Variants in MAP2 observed in about 807,000 individuals in gnomAD.
The protein encoded by MAP2 is microtubule-associated protein 2.
Under a neutral mutation model 137.6 loss-of-function variants are expected in MAP2, and 14 were observed. That is an observed-to-expected ratio of 0.10 (90% confidence interval 0.07 to 0.16). MAP2 has a LOEUF of 0.16. Ranked by LOEUF, MAP2 falls within the 10% of genes least tolerant of loss-of-function variation. MAP2 has a pLI of 1.00. For missense variants in MAP2, 2,088 were observed against 2,191.5 expected (o/e 0.95, Z 0.94); for synonymous variants, 786 against 782.3 (o/e 1.00, Z -0.08).
At chr2:209,704,394 TTTTAC>T in intron 11 of MAP2, 1 of 1,488,322 alleles carries the variant, frequency 6.7e-7, no homozygotes, top group Non-Finnish European at 9.1e-7. Flanking sequence ...TTTATCTTCC[TTTTAC>T]TTTATAGTTT....
At chr2:209,497,093 A>G (rs1051239967) in intron 1 of MAP2, among the ~76,000 whole-genome samples, 1 of 152,116 alleles carries the variant, frequency 6.6e-6, no homozygotes, top group Non-Finnish European at 1.5e-5. Context: ...TAATCCCTAA[A>G]TTCTGTATGG....
intron 2 of MAP2, among the ~76,000 whole-genome samples, chr2:209,529,740 A>G (rs1361293088): frequency 6.6e-6 from 1 of 152,172 alleles, no homozygotes; most frequent in Non-Finnish European, 1.5e-5. Context: ...GAGCAAATAC[A>G]TATGTCACTA....
At position 209,710,304 on chromosome 2, in the gene MAP2, G is replaced by A; in HGVS notation, c.5073+50G>A. The stretch of plus-strand genomic sequence containing the variant: ...TGCTGCCAGAAATAATTATTACATT[G>A]CCTTCTTCATATTGAAAACTAACAG... On this transcript the variant is annotated intron_variant, in intron 13 of 15. Transcript: ENST00000682079. The A allele has an allele frequency of 2.8e-6, 4 of 1,414,272 alleles. 1 individual carries two copies. Among genetic ancestry groups the A allele is most frequent in the South Asian group, 2.6e-5 (2 of 77,600 alleles). 87.6% of individuals were successfully genotyped at this position (1,414,272 alleles called of 1,614,324 possible).
At chr2:209,569,371 C>T (rs1250941880) in intron 2 of MAP2, among the ~76,000 whole-genome samples, 1 of 151,694 alleles carries the variant, frequency 6.6e-6, no homozygotes, top group Non-Finnish European at 1.5e-5. Context: ...TTATTGTGCA[C>T]CAGTTATATA....
intron 5 of MAP2, 132 bp from the exon 6 acceptor site, chr2:209,678,440 T>G (rs2052974134): frequency 2.5e-6 from 1 of 395,406 alleles, no homozygotes. Context: ...TTCTCTGCAA[T>G]TAAAAAATTA....
chr2:209,613,573 A>G (rs1332713388), intron 3 of MAP2, among the ~76,000 whole-genome samples: 3 of 152,140 alleles, frequency 2.0e-5, no homozygotes, highest in Non-Finnish European at 4.4e-5. Context: ...CCCCAGATGG[A>G]TGGATCAAGG....
intron 2 of MAP2, among the ~76,000 whole-genome samples, chr2:209,512,936 T>G (rs928195137): frequency 2.0e-5 from 3 of 152,160 alleles, no homozygotes; most frequent in Non-Finnish European, 4.4e-5. Context: ...CATGAGACAC[T>G]GCACGCAGTC....
chr2:209,641,902 C>T (rs974883327), intron 4 of MAP2, among the ~76,000 whole-genome samples: 1 of 151,988 alleles, frequency 6.6e-6, no homozygotes, highest in Non-Finnish European at 1.5e-5. Flanking sequence ...TAGGTTGTTA[C>T]CAATCGAGCA....
chr2:209,506,057 G>T (rs971976386), intron 1 of MAP2, among the ~76,000 whole-genome samples: 1 of 152,058 alleles, frequency 6.6e-6, no homozygotes, highest in African/African-American at 2.4e-5. Context: ...ATGACAGTTA[G>T]AGAGTTGTTG....
chr2:209,433,570 T>G (rs1195052713), intron 1 of MAP2, among the ~76,000 whole-genome samples: 1 of 152,142 alleles, frequency 6.6e-6, no homozygotes, highest in East Asian at 1.9e-4. Flanking sequence ...AAAGCAGAAT[T>G]TTTTTAGAAT....
rs1440862058 is a variant in MAP2, at chr2:209,653,446, C to G, written c.262+14C>G. On this transcript the variant is annotated intron_variant, in intron 5 of 15. Transcript: ENST00000682079. ...GAGAAACAGCAGGTAACTAAGGGCT[C>G]TACTGTCACCAAGTGCTTGCTTTGT... The G allele has an allele frequency of 1.3e-6, 2 of 1,574,258 alleles. No homozygotes were observed. Among genetic ancestry groups the G allele is most frequent in the South Asian group, 1.2e-5 (1 of 84,566 alleles).
At position 209,695,348 on chromosome 2, in the gene MAP2, C is replaced by A. The variant is rs1377100915; in HGVS notation, c.3178C>A (p.Leu1060Ile). The A allele has an allele frequency of 6.2e-7, 1 of 1,613,766 alleles. No homozygotes were observed. Among genetic ancestry groups the A allele is most frequent in the Non-Finnish European group, 8.5e-7 (1 of 1,179,944 alleles). ...TGACTTTGGACAGATGGCTTCAGGGCTAAACATAGATGATAGAAGGGCAAC... is the reference window on the plus strand; with the variant it reads ...TGACTTTGGACAGATGGCTTCAGGGATAAACATAGATGATAGAAGGGCAAC... ...ISDFGQMASG[L>I]NIDDRRATEL... The change falls in exon 8 of 16, where the codon CTA becomes ATA. Residue 1060 changes from leucine (L) to isoleucine (I), a missense_variant. Physicochemically the swap from Leu to Ile is conservative, Grantham distance 5 (BLOSUM62 2). Coordinates refer to ENST00000682079, the MANE Select transcript of MAP2 (RefSeq NM_001375505.1).
chr2:209,678,774 C>CTT, intron 6 of MAP2, 89 bp downstream of exon 6: 1 of 629,592 alleles, frequency 1.6e-6, no homozygotes, highest in Non-Finnish European at 2.6e-6. Flanking sequence ...TAGGCCATAT[C>CTT]TTGTACTTCA....
At chr2:209,684,625 G>A (rs528572832) in intron 7 of MAP2, 14 of 152,250 alleles carry the variant, frequency 9.2e-5, no homozygotes, top group African/African-American at 3.4e-4. Context: ...TTCAATGAAA[G>A]CAAACTAGGG....
Position 209,435,633 on chromosome 2 carries a change from A to G in MAP2, c.-222+11357A>G, listed in dbSNP as rs544755638. On this transcript the variant is annotated intron_variant, in intron 1 of 15. Coordinates refer to ENST00000682079, the MANE Select transcript of MAP2 (RefSeq NM_001375505.1). ...CCTGGGAAATGGCATGAGGAATGTG[A>G]TATATTCAGATTAGCAAGAAAAATT... 4.0e-5 allele frequency among the ~76,000 whole-genome samples: 6 copies of G among 151,754 alleles called. No homozygotes were observed. In the East Asian group the frequency reaches 1.2e-3, roughly 29 times the overall value.
chr2:209,631,259 G>C (rs574713766), intron 4 of MAP2, among the ~76,000 whole-genome samples: 131 of 152,114 alleles, frequency 8.6e-4, no homozygotes, highest in African/African-American at 2.4e-3. Context: ...AGAGATGTGC[G>C]GGTATGTGGG....
At chr2:209,603,458 T>C (rs1401397158) in intron 3 of MAP2, among the ~76,000 whole-genome samples, 2 of 152,098 alleles carry the variant, frequency 1.3e-5, no homozygotes, top group African/African-American at 4.8e-5. Context: ...AGATTGTGCA[T>C]GAACAATCTG....
intron 3 of MAP2, among the ~76,000 whole-genome samples, chr2:209,595,034 CCTT>C (rs1436637228): frequency 2.6e-5 from 4 of 152,098 alleles, no homozygotes; most frequent in Non-Finnish European, 4.4e-5. Flanking sequence ...AAGTAAAACT[CCTT>C]CTACAATTCT....
chr2:209,496,044 T>A (rs1559236504), intron 1 of MAP2, among the ~76,000 whole-genome samples: 3 of 152,212 alleles, frequency 2.0e-5, no homozygotes, highest in Non-Finnish European at 4.4e-5. Context: ...ACAGCAAACA[T>A]GTCAGAGTAC....
Sources: gnomAD v4.1 joint callset for allele counts (sites outside exome capture counted in the v4.1 genomes callset) on GRCh38, gnomAD v4.1.1 for gene constraint, MANE v1.5 for transcripts, NCBI Gene and HGNC (gene_info 2026-07-23, HGNC 2026-07-21) for gene names.